Variants in TTC17 observed in about 807,000 individuals in gnomAD.
TTC17 encodes the protein tetratricopeptide repeat domain 17.
TTC17 carries 58 observed loss-of-function variants against 143.8 expected under a neutral mutation model. The observed-to-expected ratio is 0.40, with a 90% CI of 0.33 to 0.50. The LOEUF (loss-of-function observed/expected upper bound fraction) is 0.50, where lower values mean the gene tolerates loss of function less well. TTC17 is among the 20% of genes least tolerant of loss of function. The probability of loss-of-function intolerance (pLI) is 0.49; values close to 1 mark genes in which losing one functional copy is unlikely to be tolerated. For missense variants in TTC17, 1,273 were observed against 1,392.5 expected (o/e 0.91, Z 1.37); for synonymous variants, 501 against 497.8 (o/e 1.01, Z -0.09).
At chr11:43,373,960 G>A (rs971037076) in intron 1 of TTC17, among the ~76,000 whole-genome samples, 2 of 152,164 alleles carry the variant, frequency 1.3e-5, no homozygotes, top group African/African-American at 2.4e-5. Context: ...TCTGATCTCT[G>A]GTACCTTAGC....
intron 15 of TTC17, among the ~76,000 whole-genome samples, chr11:43,409,273 C>G (rs1389665720): frequency 6.6e-6 from 1 of 152,142 alleles, no homozygotes; most frequent in African/African-American, 2.4e-5. Flanking sequence ...AGGTTGCTAA[C>G]AGTACTTAGC....
At chr11:43,428,174 T>G (rs1291499551) in intron 16 of TTC17, among the ~76,000 whole-genome samples, 1 of 152,200 alleles carries the variant, frequency 6.6e-6, no homozygotes, top group East Asian at 1.9e-4. Context: ...AGTTATAAAC[T>G]AGTGTCTCTC....
Position 43,414,638 on chromosome 11 carries a change from A to G in TTC17, c.2113A>G (p.Ile705Val). 1.2e-6 allele frequency: 2 copies of G among 1,613,586 alleles called. No homozygotes were observed. Among genetic ancestry groups the G allele is most frequent in the Non-Finnish European group, 1.7e-6 (2 of 1,179,706 alleles). ...AAATGCTTACCTTGCTCTGAAGAAT[A>G]TCAGTGGGGCACTTGAGGCCTTTAG... is the stretch of plus-strand genomic sequence containing the variant. ...LGNAYLALKN[I>V]SGALEAFRQA... Residue 705 changes from isoleucine to valine, a missense_variant, in exon 16 of 24, where the codon ATC becomes GTC. This residue lies in a region of TTC17 where 878 missense variants were observed against 899.8 expected (regional missense o/e 0.98). Coordinates refer to ENST00000039989, the MANE Select transcript of TTC17 (RefSeq NM_018259.6).
chr11:43,372,640 G>C (rs1266246561), intron 1 of TTC17, among the ~76,000 whole-genome samples: 1 of 151,922 alleles, frequency 6.6e-6, no homozygotes, highest in Non-Finnish European at 1.5e-5. Flanking sequence ...ATAAGCATGT[G>C]CCACTACGCC....
In TTC17 at chr11:43,392,066, A is replaced by T. The variant is rs3179063; in HGVS notation, c.663+114A>T. 2.4e-6 allele frequency: 3 copies of T among 1,265,260 alleles called. No individual in the cohort carries two copies. In the African/African-American group the frequency reaches 4.6e-5, roughly 19 times the overall value. 78.4% of individuals were successfully genotyped at this position (1,265,260 alleles called of 1,614,324 possible). A position where few individuals can be genotyped will look rare whatever the true frequency, so the allele number is the denominator to read the frequency against. On this transcript the variant is annotated intron_variant, in intron 5 of 23. Transcript: ENST00000039989. ...CTAATTTGTTTTTATCTAGAAGACG[A>T]TTTAAAATTACACTTACATTGATGC...
chr11:43,373,549 T>C (rs1336525666), intron 1 of TTC17, among the ~76,000 whole-genome samples: 1 of 152,068 alleles, frequency 6.6e-6, no homozygotes, highest in Non-Finnish European at 1.5e-5. Flanking sequence ...GGTCTCGATC[T>C]CCTGACCTCA....
At chr11:43,368,508 T>C (rs1018509510) in intron 1 of TTC17, among the ~76,000 whole-genome samples, 2 of 152,234 alleles carry the variant, frequency 1.3e-5, no homozygotes, top group African/African-American at 2.4e-5. Context: ...TTGTCAGCCC[T>C]ACTTCCAGAA....
intron 10 of TTC17, among the ~76,000 whole-genome samples, chr11:43,401,815 A>G (rs1275955990): frequency 6.6e-6 from 1 of 151,806 alleles, no homozygotes; most frequent in African/African-American, 2.4e-5. Flanking sequence ...CATCTCTACA[A>G]AAACATATAT....
intron 15 of TTC17, among the ~76,000 whole-genome samples, chr11:43,407,790 G>GTT (rs200135125): frequency 7.0e-5 from 10 of 143,880 alleles, no homozygotes; most frequent in African/African-American, 1.5e-4. Flanking sequence ...ACACAGTTAA[G>GTT]TTTTTTTTTT....
intron 1 of TTC17, among the ~76,000 whole-genome samples, chr11:43,363,195 G>A (rs549673698): frequency 1.3e-5 from 2 of 152,176 alleles, no homozygotes; most frequent in Non-Finnish European, 2.9e-5. Context: ...TAGGTTTCAA[G>A]ATAAATTTTG....
At chr11:43,432,151 T>A (rs1449753536) in intron 16 of TTC17, among the ~76,000 whole-genome samples, 1 of 152,176 alleles carries the variant, frequency 6.6e-6, no homozygotes, top group Non-Finnish European at 1.5e-5. Flanking sequence ...AGATAGGAGA[T>A]CCTGAGAACT....
rs1948526353 is a variant in TTC17 at position 43,494,531 on chromosome 11, T to G, written c.*627T>G. 6.6e-6 allele frequency: 1 copy of G among 152,132 alleles called. No individual in the cohort carries two copies. The highest frequency in any genetic ancestry group is 1.5e-5 in the Non-Finnish European group (1 of 68,038). The allele number at this position is 152,132 out of a possible 1,614,324, so 9.4% of individuals were successfully genotyped here. A position where few individuals can be genotyped will look rare whatever the true frequency, so the allele number is the denominator to read the frequency against. ...GGATCACCTGACCTTTGTAATGTTATTTATGTTGGGGAGGGAGGGGGGCTG... is the reference window on the plus strand; with the variant it reads ...GGATCACCTGACCTTTGTAATGTTAGTTATGTTGGGGAGGGAGGGGGGCTG... On this transcript the variant is annotated 3_prime_UTR_variant, in exon 24 of 24. Transcript: ENST00000039989.
At chr11:43,372,177 A>G (rs375709986) in intron 1 of TTC17, among the ~76,000 whole-genome samples, 1 of 152,238 alleles carries the variant, frequency 6.6e-6, no homozygotes, top group Non-Finnish European at 1.5e-5. Flanking sequence ...AGTTGATTCA[A>G]CTGTTCTGGA....
At chr11:43,462,789 C>T (rs567662590) in intron 21 of TTC17, among the ~76,000 whole-genome samples, 31 of 152,066 alleles carry the variant, frequency 2.0e-4, no homozygotes, top group African/African-American at 7.5e-4. Flanking sequence ...TAGACATATT[C>T]CCAATCAAAG....
intron 9 of TTC17, 87 bp from the exon 10 acceptor site, chr11:43,401,359 G>A: frequency 2.4e-6 from 2 of 850,794 alleles, no homozygotes; most frequent in South Asian, 3.2e-5. Context: ...GGGATACAGG[G>A]TTGATACTAA....
intron 21 of TTC17, among the ~76,000 whole-genome samples, chr11:43,472,725 G>A (rs774962054): frequency 1.3e-4 from 20 of 151,292 alleles, no homozygotes; most frequent in Non-Finnish European, 2.2e-4. Context: ...TTTTTAAAAA[G>A]CCACATGGAA....
chr11:43,416,959 T>C (rs1388937579), intron 16 of TTC17, among the ~76,000 whole-genome samples: 1 of 152,206 alleles, frequency 6.6e-6, no homozygotes, highest in Non-Finnish European at 1.5e-5. Flanking sequence ...CATTCTGATA[T>C]GAATTAGAAA....
intron 5 of TTC17, chr11:43,396,206 CTGTT>C (rs1857586171): frequency 1.3e-5 from 2 of 148,714 alleles, no homozygotes; most frequent in South Asian, 4.2e-4. Flanking sequence ...TACTTCTTAG[CTGTT>C]TGTTCATGTT....
chr11:43,383,933 A>G (rs948631138), intron 2 of TTC17, among the ~76,000 whole-genome samples: 12 of 152,026 alleles, frequency 7.9e-5, no homozygotes, highest in Non-Finnish European at 1.6e-4. Flanking sequence ...TTGGGAGGCT[A>G]AGGCAGGAGG....
Sources: allele counts gnomAD v4.1 joint callset (sites outside exome capture counted in the v4.1 genomes callset), GRCh38; gene constraint gnomAD v4.1.1; regional missense constraint gnomAD v4.1.1; transcripts MANE v1.5; gene names NCBI Gene and HGNC (gene_info 2026-07-23, HGNC 2026-07-21).